TAF4: variants seen among roughly 807,000 people sequenced by gnomAD.
TAF4 encodes the protein TATA-box binding protein associated factor 4, also known as transcription initiation factor TFIID subunit 4.
TAF4 carries 9 observed loss-of-function variants against 90.3 expected under a neutral mutation model. The ratio of observed to expected loss-of-function variants is 0.10; its 90% CI spans 0.06 to 0.17. The LOEUF is 0.17. TAF4 is among the 10% of genes least tolerant of loss of function. The pLI is 1.00. For synonymous variants in TAF4, 818 were observed against 638.9 expected (o/e 1.28, Z -4.23); for missense variants, 1,351 against 1,370.7 (o/e 0.99, Z 0.23).
chr20:62,062,397 G>C (rs900030016), intron 1 of TAF4, among the ~76,000 whole-genome samples: 4 of 151,850 alleles, frequency 2.6e-5, no homozygotes, highest in Non-Finnish European at 4.4e-5. Flanking sequence ...TAGTTTTATT[G>C]ATACTTTTTT....
chr20:62,050,075 G>A lies in TAF4; in HGVS notation c.1360+14376C>T, dbSNP rs112894484. The stretch of plus-strand genomic sequence containing the variant: ...ACACGCTGGAGTTGTAAGTACTCAC[G>A]GAGGACACCTGACAAACTGTTTTTC... On this transcript the variant is annotated intron_variant, in intron 1 of 14. Transcript: ENST00000252996. Among the ~76,000 whole-genome samples, 666 of 152,254 alleles carry A rather than the reference G, an allele frequency of 4.4e-3. 5 individuals carry two copies. The highest frequency in any genetic ancestry group is 7.6e-3 in the Non-Finnish European group (516 of 68,026).
At chr20:62,061,468 G>A (rs1006844005) in intron 1 of TAF4, among the ~76,000 whole-genome samples, 1 of 152,210 alleles carries the variant, frequency 6.6e-6, no homozygotes, top group African/African-American at 2.4e-5. Context: ...TAGAGCAAAA[G>A]GAGAGTAAAT....
intron 1 of TAF4, among the ~76,000 whole-genome samples, chr20:62,019,604 C>T (rs1246808438): frequency 2.0e-5 from 3 of 152,200 alleles, no homozygotes; most frequent in Non-Finnish European, 2.9e-5. Context: ...GAAGGAGCAG[C>T]GTGCACTCCT....
intron 1 of TAF4, among the ~76,000 whole-genome samples, chr20:62,025,147 T>C (rs754736433): frequency 6.6e-6 from 1 of 151,762 alleles, no homozygotes; most frequent in Non-Finnish European, 1.5e-5. Flanking sequence ...ATACTCCTCA[T>C]GTAGGACCTG....
intron 5 of TAF4, among the ~76,000 whole-genome samples, chr20:62,008,697 C>T (rs955017725): frequency 6.6e-6 from 1 of 152,108 alleles, no homozygotes; most frequent in Non-Finnish European, 1.5e-5. Flanking sequence ...AGAGGTCACA[C>T]AGGAGTGGGG....
At chr20:62,061,863 C>T (rs1007699168) in intron 1 of TAF4, among the ~76,000 whole-genome samples, 2 of 152,242 alleles carry the variant, frequency 1.3e-5, no homozygotes. Flanking sequence ...ACTGTCCTGA[C>T]AAAGAATATC....
In TAF4 at chr20:62,006,597, G is replaced by A. The variant is rs1385119887; in HGVS notation, c.2136C>T (p.Thr712=). 10 of 1,599,172 alleles carry A rather than the reference G, an allele frequency of 6.3e-6. No individual in the cohort carries two copies. The highest frequency in any genetic ancestry group is 2.3e-5 in the East Asian group (1 of 44,290). Residue 712 remains threonine, a synonymous_variant, in exon 7 of 15, where the codon ACC becomes ACT. Transcript: ENST00000252996. This position sits in a 1 kb window ranked among gnomAD's most constrained non-coding sequence, Gnocchi z 7.0. ...CAGGGGGCTGGAGGGCACTGGTCAC[G>A]GTGGCCGCCGTCTTCCCGGCCGTGC... The part of the protein sequence containing the change: ...VQRTAGKTAA[T]VTSALQPPVL...
rs1035284350 is a variant in TAF4 at position 62,006,887 on chromosome 20, G to C, written c.1975-129C>G. The C allele has an allele frequency of 1.6e-6, 2 of 1,267,064 alleles. No homozygotes were observed. Among genetic ancestry groups the C allele is most frequent in the East Asian group, 3.0e-5 (1 of 33,290 alleles). 78.5% of individuals were successfully genotyped at this position (1,267,064 alleles called of 1,614,324 possible). A position where few individuals can be genotyped will look rare whatever the true frequency, so the allele number is the denominator to read the frequency against. Reference sequence around the variant, plus strand: ...AAGTAAGATGGATCTTGGCCCTCACGGCAGCATGTCTGGATGTCAAGGGCC... The same window carrying C: ...AAGTAAGATGGATCTTGGCCCTCACCGCAGCATGTCTGGATGTCAAGGGCC... On this transcript the variant is annotated intron_variant, in intron 6 of 14. Coordinates refer to ENST00000252996, the MANE Select transcript of TAF4 (RefSeq NM_003185.4). The surrounding 1 kb of genome is among the most constrained non-coding windows in gnomAD (Gnocchi z 7.0).
At chr20:61,998,656 T>A (rs1190007249) in intron 12 of TAF4, among the ~76,000 whole-genome samples, 1 of 152,202 alleles carries the variant, frequency 6.6e-6, no homozygotes, top group African/African-American at 2.4e-5. Flanking sequence ...TGGCTGTGAA[T>A]GTTCTAGAAC....
rs2055749300 is a variant in TAF4, at chr20:62,006,817, C to T, written c.1975-59G>A. 7.1e-7 allele frequency: 1 copy of T among 1,411,274 alleles called. No individual in the cohort carries two copies. 87.4% of individuals were successfully genotyped at this position (1,411,274 alleles called of 1,614,324 possible). A position where few individuals can be genotyped will look rare whatever the true frequency, so the allele number is the denominator to read the frequency against. ...GCTGCTCATGCGTCGGTTTTCCTTG[C>T]TTAAAAATTCAGAAATATCAACTTT... On this transcript the variant is annotated intron_variant, in intron 6 of 14. Transcript: ENST00000252996. This position sits in a 1 kb window ranked among gnomAD's most constrained non-coding sequence, Gnocchi z 7.0.
At chr20:62,020,085 A>T (rs1405716430) in intron 1 of TAF4, among the ~76,000 whole-genome samples, 1 of 152,094 alleles carries the variant, frequency 6.6e-6, no homozygotes, top group Non-Finnish European at 1.5e-5. Context: ...GTCAGGACAC[A>T]TCCCTCCACA....
intron 12 of TAF4, among the ~76,000 whole-genome samples, chr20:61,998,587 C>G (rs1372042300): frequency 6.6e-6 from 1 of 152,156 alleles, no homozygotes; most frequent in Non-Finnish European, 1.5e-5. Flanking sequence ...CAGTACCCAC[C>G]CCCGTCCCTG....
At chr20:61,978,116 C>T in intron 14 of TAF4, among the ~76,000 whole-genome samples, 1 of 85,860 alleles carries the variant, frequency 1.2e-5, no homozygotes, top group Non-Finnish European at 2.5e-5. Flanking sequence ...CGAGACCAAC[C>T]AAGGGAGGGC....
chr20:61,984,190 C>T (rs2055568167), intron 14 of TAF4, among the ~76,000 whole-genome samples: 1 of 152,176 alleles, frequency 6.6e-6, no homozygotes, highest in Non-Finnish European at 1.5e-5. Flanking sequence ...CATCACGTGC[C>T]TCAGCCCTAC....
Position 62,033,627 on chromosome 20 carries a change from C to G in TAF4, c.1361-18920G>C, listed in dbSNP as rs577548092. ...TGGCGCATGCCTATAATCCCAGCTA[C>G]TCGGGAGGCTGAAGCACAAGAATTG... is the stretch of plus-strand genomic sequence containing the variant. On this transcript the variant is annotated intron_variant, in intron 1 of 14. Transcript: ENST00000252996. Among the ~76,000 whole-genome samples, 7 of 152,048 alleles carry G rather than the reference C, an allele frequency of 4.6e-5. No individual in the cohort carries two copies. In the South Asian group the frequency reaches 1.5e-3, roughly 32 times the overall value.
intron 1 of TAF4, among the ~76,000 whole-genome samples, chr20:62,027,940 G>A (rs762710392): frequency 4.6e-5 from 7 of 152,214 alleles, no homozygotes; most frequent in African/African-American, 1.2e-4. Flanking sequence ...TCACCTCGGC[G>A]GCCTAGGTCG....
Position 62,006,922 on chromosome 20 carries a change from T to A in TAF4, c.1975-164A>T. The A allele has an allele frequency of 1.1e-6, 1 of 917,160 alleles. No individual in the cohort carries two copies. Among genetic ancestry groups the A allele is most frequent in the Non-Finnish European group, 1.5e-6 (1 of 685,716 alleles). 56.8% of individuals were successfully genotyped at this position (917,160 alleles called of 1,614,324 possible). ...CTGGATGTCAAGGGCCAGGACCCCA[T>A]CCTGCCCTCCCACTAAGTGGGATTA... On this transcript the variant is annotated intron_variant, in intron 6 of 14. Transcript: ENST00000252996. The surrounding 1 kb of genome is among the most constrained non-coding windows in gnomAD (Gnocchi z 7.0).
Position 62,065,162 on chromosome 20 carries a change from G to C in TAF4, c.649C>G (p.Leu217Val), listed in dbSNP as rs1310373504. ...AGCGCGGCGGGCCCGTTGTTGACCA[G>C]GCTGACAGCAGGTGCGGCGGCGTGG... ...SHHAAAPAVS[L>V]VNNGPAALLP... Residue 217 changes from leucine to valine, a missense_variant, in exon 1 of 15, where the codon CTG (leucine) becomes GTG (valine). Around this residue, in one of 9 missense-constraint regions of TAF4, gnomAD observed 782 missense variants for 536.6 expected, o/e 1.46. Transcript: ENST00000252996. The C allele has an allele frequency of 6.6e-6, 8 of 1,214,154 alleles. No individual in the cohort carries two copies. Among genetic ancestry groups the C allele is most frequent in the South Asian group, 1.4e-5 (1 of 72,778 alleles). The allele number at this position is 1,214,154 out of a possible 1,614,324, so 75.2% of individuals were successfully genotyped here. A position where few individuals can be genotyped will look rare whatever the true frequency, so the allele number is the denominator to read the frequency against.
intron 1 of TAF4, among the ~76,000 whole-genome samples, chr20:62,021,110 C>T (rs1200773687): frequency 1.3e-5 from 2 of 152,146 alleles, no homozygotes; most frequent in Non-Finnish European, 2.9e-5. Flanking sequence ...CCAGCACCTT[C>T]GAAACCCCCC....
Sources: gnomAD v4.1 joint callset for allele counts (sites outside exome capture counted in the v4.1 genomes callset) on GRCh38, gnomAD v4.1.1 for gene constraint, gnomAD v4.1.1 regional missense constraint, Gnocchi (gnomAD v3.1) non-coding constraint, MANE v1.5 for transcripts, NCBI Gene and HGNC (gene_info 2026-07-23, HGNC 2026-07-21) for gene names.